Variants in PATL2 observed in about 807,000 individuals in gnomAD.
PATL2 encodes the protein PAT1 homolog 2.
In PATL2, 73 loss-of-function variants were observed where a neutral mutation model predicts 77.0. That is an observed-to-expected ratio of 0.95 (90% CI 0.78 to 1.15). PATL2 has a LOEUF of 1.15. Ranked by LOEUF, PATL2 falls within the 50% of genes most tolerant of loss-of-function variation. PATL2 has a pLI of 0.00. For missense variants in PATL2, 618 were observed against 655.4 expected, an observed-to-expected ratio of 0.94 and a Z score of 0.62; for synonymous variants, 265 against 257.1, an observed-to-expected ratio of 1.03 and a Z score of -0.29.
At chr15:44,695,225 G>C (rs1034912851) in intron 3 of PATL2, among the ~76,000 whole-genome samples, 1 of 152,000 alleles carries the variant, frequency 6.6e-6, no homozygotes, top group African/African-American at 2.4e-5. Flanking sequence ...TCCAGAGGGG[G>C]GAATGATACA....
intron 5 of PATL2, chr15:44,674,776 C>A (rs2085870991): frequency 1.3e-5 from 2 of 151,948 alleles, no homozygotes; most frequent in Non-Finnish European, 2.9e-5. Context: ...GCGACAGGGT[C>A]TTGCTTTGTT....
chr15:44,666,987 A>G, intron 16 of PATL2, 119 bp downstream of exon 16: 2 of 786,484 alleles, frequency 2.5e-6, no homozygotes, highest in South Asian at 1.7e-5. Flanking sequence ...CACTGCTACT[A>G]CTTTCTCTAT....
At chr15:44,691,390 G>A (rs2086387392) in intron 3 of PATL2, among the ~76,000 whole-genome samples, 1 of 152,202 alleles carries the variant, frequency 6.6e-6, no homozygotes, top group African/African-American at 2.4e-5. Flanking sequence ...AGGCATGGTG[G>A]CTCATGCCTG....
intron 3 of PATL2, among the ~76,000 whole-genome samples, chr15:44,681,299 G>A (rs1205415725): frequency 6.6e-6 from 1 of 152,168 alleles, no homozygotes; most frequent in Non-Finnish European, 1.5e-5. Flanking sequence ...GATTACAGAT[G>A]TGAGCCACTT....
rs757697710 is a variant in PATL2 at position 44,665,817 on chromosome 15, A to G, written c.*136T>C. The G allele has an allele frequency of 1.4e-5, 21 of 1,522,340 alleles. No homozygotes were observed. In the South Asian group the frequency reaches 2.5e-4, roughly 18 times the overall value. The allele number at this position is 1,522,340 out of a possible 1,614,324, so 94.3% of individuals were successfully genotyped here. On this transcript the variant is annotated 3_prime_UTR_variant, in exon 18 of 18. Transcript: ENST00000682850. Reference sequence around the variant, plus strand: ...TTTAGATTTTTGAAGAAAGGATATGAAAATGGGGAAGGGTTCTCCAATATA... The same window carrying G: ...TTTAGATTTTTGAAGAAAGGATATGGAAATGGGGAAGGGTTCTCCAATATA...
chr15:44,676,591 C>CA (rs2085967437), intron 3 of PATL2, 26 bp from the exon 4 acceptor site: 2 of 1,523,870 alleles, frequency 1.3e-6, no homozygotes, highest in African/African-American at 2.8e-5. Context: ...GGCCAAGAGG[C>CA]ACCATCCTCA....
In PATL2 at chr15:44,669,547, C is replaced by A. The variant is rs1465220040; in HGVS notation, c.893G>T (p.Ser298Ile). 1 of 1,551,408 alleles carries A rather than the reference C, an allele frequency of 6.4e-7. No individual in the cohort carries two copies. Among genetic ancestry groups the A allele is most frequent in the Non-Finnish European group, 8.7e-7 (1 of 1,146,940 alleles). The change falls in exon 12 of 18, where the codon AGC becomes ATC. Residue 298 changes from serine to isoleucine, a missense_variant. By Grantham distance (142) the Ser-to-Ile change is moderately radical. Transcript: ENST00000682850. The part of the protein sequence containing the change: ...GTQEQDIEAA[S>I]SQRLRVLYRI... ...GTATAATACCCGAAGCCTCTGACTGCTTGCAGCTTCTATATCCTAGGAGAA... is the reference window on the plus strand; with the variant it reads ...GTATAATACCCGAAGCCTCTGACTGATTGCAGCTTCTATATCCTAGGAGAA...
chr15:44,668,942 C>A, intron 14 of PATL2, 38 bp downstream of exon 14: 1 of 1,493,788 alleles, frequency 6.7e-7, no homozygotes, highest in South Asian at 1.3e-5. Flanking sequence ...CTAACCTATT[C>A]AGGAGACCAT....
intron 3 of PATL2, among the ~76,000 whole-genome samples, chr15:44,692,323 A>G (rs971043805): frequency 1.3e-5 from 2 of 152,202 alleles, no homozygotes; most frequent in Non-Finnish European, 2.9e-5. Context: ...CATGAATTTT[A>G]TAATTAGAAA....
At chr15:44,710,809 ATTAG>A (rs2086843590) in intron 2 of PATL2, among the ~76,000 whole-genome samples, 58 bp downstream of exon 2, 1 of 151,978 alleles carries the variant, frequency 6.6e-6, no homozygotes, top group Non-Finnish European at 1.5e-5. Context: ...TGCTTTTACT[ATTAG>A]TGGTCGTTTT....
At position 44,665,950 on chromosome 15, in the gene PATL2, A is replaced by C; in HGVS notation, c.*3T>G. On this transcript the variant is annotated 3_prime_UTR_variant, in exon 18 of 18. Coordinates refer to ENST00000682850, the MANE Select transcript of PATL2 (RefSeq NM_001387263.1). ...CACATACACGTATTCCAGAACAAAC[A>C]GATCAGTAAATCCAGGCAAACCTAT... 6.5e-7 allele frequency: 1 copy of C among 1,545,890 alleles called. No homozygotes were observed. The highest frequency in any genetic ancestry group is 8.7e-7 in the Non-Finnish European group (1 of 1,145,616).
intron 15 of PATL2, 86 bp downstream of exon 15, chr15:44,668,256 G>A: frequency 2.1e-6 from 3 of 1,399,168 alleles, no homozygotes; most frequent in Non-Finnish European, 2.9e-6. Flanking sequence ...GATTTGTGTA[G>A]AGATGAGACT....
intron 3 of PATL2, 199 bp from the exon 4 acceptor site, chr15:44,676,764 G>T (rs2085978900): frequency 6.3e-6 from 8 of 1,272,028 alleles, no homozygotes; most frequent in Non-Finnish European, 8.1e-6. Context: ...CCCACAAAGG[G>T]ACAGAAATGA....
In PATL2 at chr15:44,674,191, T is replaced by C. The variant is rs8026845; in HGVS notation, c.262A>G (p.Met88Val). 1,547,922 of 1,551,048 alleles carry C rather than the reference T, an allele frequency of 1. 772,440 individuals are homozygous for C. Among genetic ancestry groups the C allele is most frequent in the East Asian group, 1 (40,916 of 40,916 alleles). The change falls in exon 6 of 18, where the codon ATG becomes GTG. Residue 88 changes from methionine (M) to valine (V), a missense_variant. Met to Val is a conservative substitution (Grantham distance 21). Coordinates refer to ENST00000682850, the MANE Select transcript of PATL2 (RefSeq NM_001387263.1). The part of the protein sequence containing the change: ...LSSPGVKAPG[M>V]LGMSLASLHF... The stretch of plus-strand genomic sequence containing the variant: ...AAGGAGGCAAGTGACATTCCCAGCA[T>C]ACCAGGGGCCTTGACTCCAGGGGAG...
intron 3 of PATL2, among the ~76,000 whole-genome samples, chr15:44,690,710 G>T (rs2086371266): frequency 6.6e-6 from 1 of 151,964 alleles, no homozygotes; most frequent in African/African-American, 2.4e-5. Context: ...TATTTTTGTT[G>T]TTTCTGAAGA....
rs1372588122 is a variant in PATL2 at position 44,673,465 on chromosome 15, C to A, written c.304-88G>T. On this transcript the variant is annotated intron_variant, in intron 6 of 17. Transcript: ENST00000682850. ...TGTGAGGGCTCAGTTCCTTTCCTAC[C>A]TTTTCCCCTCAAGAACTTCACCCAA... The A allele has an allele frequency of 1.4e-5, 21 of 1,475,680 alleles. No homozygotes were observed. In the Middle Eastern group the frequency reaches 5.2e-4, roughly 37 times the overall value. 91.4% of individuals were successfully genotyped at this position (1,475,680 alleles called of 1,614,324 possible).
intron 3 of PATL2, among the ~76,000 whole-genome samples, chr15:44,697,059 A>G (rs1244883005): frequency 6.6e-6 from 1 of 152,126 alleles, no homozygotes; most frequent in Non-Finnish European, 1.5e-5. Context: ...GCAATCTTCA[A>G]ACTCCTTAAA....
intron 15 of PATL2, among the ~76,000 whole-genome samples, chr15:44,667,816 A>T (rs931730980): frequency 6.6e-6 from 1 of 152,068 alleles, no homozygotes; most frequent in Non-Finnish European, 1.5e-5. Context: ...GTTGGCGAAC[A>T]CTTGTAATCC....
At position 44,711,233 on chromosome 15, in the gene PATL2, T is replaced by C; in HGVS notation, c.-467A>G. ...CTGCAAAGCGAGGGGGCAGCCTTAA[T>C]GTGCCTCCAGCCTGAAGTCCTAGAA... On this transcript the variant is annotated 5_prime_UTR_variant, in exon 1 of 18. Coordinates refer to ENST00000682850, the MANE Select transcript of PATL2 (RefSeq NM_001387263.1). 1 of 540,940 alleles carries C rather than the reference T, an allele frequency of 1.8e-6. No homozygotes were observed. Among genetic ancestry groups the C allele is most frequent in the Non-Finnish European group, 3.3e-6 (1 of 299,092 alleles). The allele number at this position is 540,940 out of a possible 1,614,324, so 33.5% of individuals were successfully genotyped here.
Sources: gnomAD v4.1 joint callset for allele counts (sites outside exome capture counted in the v4.1 genomes callset) on GRCh38, gnomAD v4.1.1 for gene constraint, MANE v1.5 for transcripts, NCBI Gene and HGNC (gene_info 2026-07-23, HGNC 2026-07-21) for gene names.